Variants in ACER1 observed in about 807,000 individuals in gnomAD.
The protein encoded by ACER1 is CTB-180A7.3.
In ACER1, 28 loss-of-function variants were observed where a neutral mutation model predicts 24.9. The ratio of observed to expected loss-of-function variants is 1.13; its 90% CI spans 0.83 to 1.54. The LOEUF is 1.54. ACER1 is among the 40% of genes most tolerant of loss of function. ACER1 has a pLI of 0.00. For synonymous variants in ACER1, 132 were observed against 131.4 expected, an observed-to-expected ratio of 1.00 and a Z score of -0.03; for missense variants, 352 against 349.3, an observed-to-expected ratio of 1.01 and a Z score of -0.06.
chr19:6,342,940 G>T, the ACER1 span, among the ~76,000 whole-genome samples: 1 of 151,824 alleles, frequency 6.6e-6, no homozygotes, highest in Non-Finnish European at 1.5e-5. Context: ...ACTGTGCCCG[G>T]CTAATTTTGT....
chr19:6,309,764 C>T lies in ACER1; in HGVS notation c.421G>A (p.Val141Ile), dbSNP rs2091568562. ...STLLSFLRPTVNAYALNSIAL... is the reference protein window; with the variant it reads ...STLLSFLRPTINAYALNSIAL... The stretch of plus-strand genomic sequence containing the variant: ...ATGCTGTTGAGGGCGTAGGCGTTGA[C>T]CGTGGGCCGCAGGAAGGACAGAAGG... The change falls in exon 4 of 6, where the codon GTC becomes ATC. Residue 141 changes from valine (V) to isoleucine (I), a missense_variant. Val to Ile is a conservative substitution (Grantham distance 29). Transcript: ENST00000301452. 1 of 1,614,084 alleles carries T rather than the reference C, an allele frequency of 6.2e-7. No individual in the cohort carries two copies. Among genetic ancestry groups the T allele is most frequent in the Non-Finnish European group, 8.5e-7 (1 of 1,179,994 alleles).
chr19:6,315,465 C>T (rs908311443), intron 1 of ACER1, among the ~76,000 whole-genome samples: 16 of 151,976 alleles, frequency 1.1e-4, no homozygotes, highest in Non-Finnish European at 8.8e-5. Context: ...CTGCAAGCTC[C>T]GCCTCCCGGG....
At chr19:6,335,906 C>CTTTTCTTTTTTTTTTT (rs1555717055), upstream of ACER1, among the ~76,000 whole-genome samples, 2 of 141,556 alleles carry the variant, frequency 1.4e-5, no homozygotes, top group African/African-American at 5.2e-5. Context: ...TTTTTCTTTT[C>CTTTTCTTTTTTTTTTT]TTTTTTTTTT....
rs1001767910 is a variant in ACER1, at chr19:6,310,339, G to A, written c.351-505C>T. The stretch of plus-strand genomic sequence containing the variant: ...CCTGACCTCGTGATCCGCCCGCCTC[G>A]GCCTCCCAAAGTGCTAGGATTACCG... On this transcript the variant is annotated intron_variant, in intron 3 of 5. Coordinates refer to ENST00000301452, the MANE Select transcript of ACER1 (RefSeq NM_133492.3). Among the ~76,000 whole-genome samples, 5 of 151,938 alleles carry A rather than the reference G, an allele frequency of 3.3e-5. No homozygotes were observed. In the East Asian group the frequency reaches 9.7e-4, roughly 30 times the overall value.
intron 1 of ACER1, among the ~76,000 whole-genome samples, chr19:6,329,688 T>C (rs10424876): frequency 0.05 from 7,547 of 151,984 alleles, 287 homozygotes; most frequent in African/African-American, 0.11. Flanking sequence ...CAGGACACAC[T>C]TGAATCAGCC....
At chr19:6,331,944 C>T (rs895300346) in intron 1 of ACER1, among the ~76,000 whole-genome samples, 4 of 151,744 alleles carry the variant, frequency 2.6e-5, no homozygotes, top group African/African-American at 7.3e-5. Flanking sequence ...TGGCTAAATG[C>T]CGTGATCATT....
chr19:6,344,535 C>T, the ACER1 span, among the ~76,000 whole-genome samples: 1 of 152,036 alleles, frequency 6.6e-6, no homozygotes, highest in South Asian at 2.1e-4. Context: ...GCTCGGACTA[C>T]AGGCACCCAC....
At chr19:6,334,659 C>A (rs547656072), upstream of ACER1, among the ~76,000 whole-genome samples, 1 of 152,206 alleles carries the variant, frequency 6.6e-6, no homozygotes, top group South Asian at 2.1e-4. Context: ...AGTTCCTCTA[C>A]TTTAAGCTGT....
At position 6,309,805 on chromosome 19, in the gene ACER1, G is replaced by T. The variant is rs769921672; in HGVS notation, c.380C>A (p.Thr127Asn). Residue 127 changes from threonine (T) to asparagine (N), a missense_variant, in exon 4 of 6, where the codon ACC becomes AAC. Physicochemically the swap from Thr to Asn is moderately conservative, Grantham distance 65 (BLOSUM62 0). Transcript: ENST00000301452. Reference sequence around the variant, plus strand: ...GGACAGAAGGGTGCTGACCACAGTGGTGATGAAGACCAGGCGGATGAACTG... The same window carrying T: ...GGACAGAAGGGTGCTGACCACAGTGTTGATGAAGACCAGGCGGATGAACTG... ...RSQFIRLVFITTVVSTLLSFL... is the reference protein window; with the variant it reads ...RSQFIRLVFINTVVSTLLSFL... 1 of 1,614,118 alleles carries T rather than the reference G, an allele frequency of 6.2e-7. No homozygotes were observed. Among genetic ancestry groups the T allele is most frequent in the Non-Finnish European group, 8.5e-7 (1 of 1,179,986 alleles).
At chr19:6,338,352 T>G (rs1008833692), upstream of ACER1, among the ~76,000 whole-genome samples, 2 of 152,216 alleles carry the variant, frequency 1.3e-5, no homozygotes, top group East Asian at 3.8e-4. Context: ...CATGTGATAT[T>G]ATTGCATAGA....
the ACER1 span, chr19:6,353,534 C>T: frequency 2.2e-4 from 21 of 97,436 alleles, no homozygotes; most frequent in African/African-American, 7.2e-4. Context: ...CACTTTAAGT[C>T]GTGGTTCTTG....
chr19:6,347,201 T>G, the ACER1 span, among the ~76,000 whole-genome samples: 1 of 146,032 alleles, frequency 6.8e-6, no homozygotes, highest in African/African-American at 2.5e-5. Context: ...GGAAATAGTC[T>G]CTTTTTCTTT....
chr19:6,347,742 A>C, the ACER1 span, among the ~76,000 whole-genome samples: 1 of 152,016 alleles, frequency 6.6e-6, no homozygotes, highest in Non-Finnish European at 1.5e-5. Flanking sequence ...AGGCTGAGGC[A>C]GGAGAATCGC....
rs113359211 is a variant in ACER1 at position 6,331,966 on chromosome 19, A to ATTT, written c.93+1490_93+1492dup. Among the ~76,000 whole-genome samples, 217 of 133,716 alleles carry ATTT rather than the reference A, an allele frequency of 1.6e-3. 2 individuals are homozygous for ATTT. Among genetic ancestry groups the ATTT allele is most frequent in the African/African-American group, 3.8e-3 (139 of 37,012 alleles). 87.7% of individuals were successfully genotyped at this position (133,716 alleles called of 152,430 possible). ...ATGCCGTGATCATTTGTGCATTCCTATTTTTTTTTTTTTTTTTGAGACGAA... is the reference window on the plus strand; with the variant it reads ...ATGCCGTGATCATTTGTGCATTCCTATTTTTTTTTTTTTTTTTTTTGAGACGAA... On this transcript the variant is annotated intron_variant, in intron 1 of 5. Transcript: ENST00000301452.
the ACER1 span, among the ~76,000 whole-genome samples, chr19:6,351,917 T>G: frequency 6.6e-6 from 1 of 151,034 alleles, no homozygotes. Flanking sequence ...TTAGCCGGGC[T>G]TGGTGGTGGG....
At chr19:6,337,243 A>G (rs75856321), upstream of ACER1, among the ~76,000 whole-genome samples, 7,497 of 151,954 alleles carry the variant, frequency 0.049, 280 homozygotes, top group African/African-American at 0.11. Flanking sequence ...ATATTTGGAG[A>G]AGAGAGGCTC....
At chr19:6,344,678 G>C in the ACER1 span, among the ~76,000 whole-genome samples, 7 of 151,802 alleles carry the variant, frequency 4.6e-5, no homozygotes, top group Non-Finnish European at 7.4e-5. Context: ...TTACAAGCGT[G>C]AGCCACCGCA....
chr19:6,326,370 C>T (rs2091661985), intron 1 of ACER1, among the ~76,000 whole-genome samples: 1 of 152,050 alleles, frequency 6.6e-6, no homozygotes, highest in Non-Finnish European at 1.5e-5. Flanking sequence ...TTGTGATCCG[C>T]CGGCCTCGGC....
intron 1 of ACER1, among the ~76,000 whole-genome samples, chr19:6,325,880 C>A (rs1845689913): frequency 1.3e-5 from 2 of 150,168 alleles, no homozygotes; most frequent in Non-Finnish European, 2.9e-5. Flanking sequence ...AAACAAAATT[C>A]AAAGCCTTAG....
Sources: gnomAD v4.1 joint callset for allele counts (sites outside exome capture counted in the v4.1 genomes callset) on GRCh38, gnomAD v4.1.1 for gene constraint, MANE v1.5 for transcripts, NCBI Gene and HGNC (gene_info 2026-07-23, HGNC 2026-07-21) for gene names.